AGBL1: variants seen among roughly 807,000 people sequenced by gnomAD.
AGBL1 encodes the protein cytosolic carboxypeptidase 4.
In AGBL1, 130 loss-of-function variants were observed where a neutral mutation model predicts 118.9. That is an observed-to-expected ratio of 1.09 (90% CI 0.95 to 1.26). The LOEUF is 1.26. Ranked by LOEUF, AGBL1 falls within the 50% of genes most tolerant of loss-of-function variation. The pLI, the probability that AGBL1 is intolerant of heterozygous loss-of-function variation, is 0.00. For missense variants in AGBL1, 1,584 were observed against 1,298.1 expected (o/e 1.22, Z -3.38); for synonymous variants, 555 against 478.9 (o/e 1.16, Z -2.08).
intron 21 of AGBL1, among the ~76,000 whole-genome samples, chr15:86,603,873 C>T (rs765476710): frequency 6.6e-6 from 1 of 152,096 alleles, no homozygotes; most frequent in Non-Finnish European, 1.5e-5. Context: ...TCTACTATAG[C>T]CCCTGAGTAG....
At chr15:86,970,930 G>A (rs1363042241) in intron 23 of AGBL1, among the ~76,000 whole-genome samples, 1 of 151,950 alleles carries the variant, frequency 6.6e-6, no homozygotes, top group Non-Finnish European at 1.5e-5. Context: ...ACCACTATTT[G>A]CATGTCACTT....
intron 18 of AGBL1, among the ~76,000 whole-genome samples, chr15:86,413,126 GT>G (rs1198312583): frequency 6.6e-6 from 1 of 152,026 alleles, no homozygotes; most frequent in Non-Finnish European, 1.5e-5. Context: ...AATGTTAGAG[GT>G]GAAAGACATC....
At chr15:86,113,287 C>CTT (rs548790563) in intron 1 of AGBL1, among the ~76,000 whole-genome samples, 25 of 97,362 alleles carry the variant, frequency 2.6e-4, no homozygotes, top group Admixed American at 4.4e-4. Context: ...TTCTTTCTTT[C>CTT]TTTTTTTTTT....
chr15:86,364,958 C>CATATATATATATATAT (rs72116454), intron 17 of AGBL1, among the ~76,000 whole-genome samples: 1 of 76,138 alleles, frequency 1.3e-5, no homozygotes, highest in Non-Finnish European at 3.1e-5. Flanking sequence ...ATATGTCACA[C>CATATATATATATATAT]ATATATATAT....
chr15:86,142,017 A>G lies in AGBL1; in HGVS notation c.65A>G (p.Lys22Arg), dbSNP rs759396378. 41 of 1,550,154 alleles carry G rather than the reference A, an allele frequency of 2.6e-5. No individual in the cohort carries two copies. In the South Asian group the frequency reaches 4.9e-4, roughly 18 times the overall value. ...LLHTLQSSSD[K>R]ESILTILKVL... The stretch of plus-strand genomic sequence containing the variant: ...TTCTCATTGCAGAGCTCCTCTGACA[A>G]GGAGTCCATCCTGACCATCCTCAAG... The change falls in exon 2 of 23, where the codon AAG becomes AGG. Residue 22 changes from lysine to arginine, a missense_variant. By Grantham distance (26) the Lys-to-Arg change is conservative. Coordinates refer to ENST00000614907, the MANE Select transcript of AGBL1 (RefSeq NM_001386094.1).
chr15:86,919,606 A>G (rs1209147770), downstream of AGBL1, among the ~76,000 whole-genome samples: 2 of 151,582 alleles, frequency 1.3e-5, no homozygotes, highest in African/African-American at 4.9e-5. Flanking sequence ...ACACACACAC[A>G]CACACACCCG....
chr15:86,225,033 C>CT (rs35578252), intron 6 of AGBL1, 82 bp downstream of exon 6: 237,233 of 1,019,268 alleles, frequency 0.23, 5,142 homozygotes, highest in Admixed American at 0.28. Flanking sequence ...ATGGCTGTTT[C>CT]TTTTTTTTTT....
chr15:86,862,797 G>A (rs547663956), intron 22 of AGBL1, among the ~76,000 whole-genome samples: 9 of 152,314 alleles, frequency 5.9e-5, no homozygotes, highest in Middle Eastern at 3.4e-3. Flanking sequence ...TTACGTAACA[G>A]CTATTGGTTG....
At chr15:86,847,742 G>A (rs549384411) in intron 22 of AGBL1, among the ~76,000 whole-genome samples, 8 of 152,264 alleles carry the variant, frequency 5.3e-5, no homozygotes, top group Admixed American at 2.0e-4. Context: ...TCTTGCACAC[G>A]TATGCAGACT....
Position 86,271,711 on chromosome 15 carries a change from G to A in AGBL1, c.2075+5G>A, listed in dbSNP as rs1226561855. 1.2e-6 allele frequency: 2 copies of A among 1,608,870 alleles called. No homozygotes were observed. Among genetic ancestry groups the A allele is most frequent in the East Asian group, 4.5e-5 (2 of 44,850 alleles). On this transcript the variant is annotated splice_donor_5th_base_variant and intron_variant, in intron 15 of 22. Transcript: ENST00000614907. ...CCATGAAATATGTTATTACAAGTAA[G>A]TTAGAGCGCTGTTAGCTTCCTTTTC...
intron 18 of AGBL1, among the ~76,000 whole-genome samples, chr15:86,466,195 C>T (rs1398693093): frequency 2.0e-5 from 3 of 152,172 alleles, no homozygotes; most frequent in Non-Finnish European, 4.4e-5. Flanking sequence ...TGTTCCTTTT[C>T]ATTCTTTTTT....
chr15:86,674,700 GAC>G (rs987241102), intron 22 of AGBL1, among the ~76,000 whole-genome samples: 2 of 151,996 alleles, frequency 1.3e-5, no homozygotes, highest in African/African-American at 4.8e-5. Context: ...GTGGCTTGGT[GAC>G]ACACACACAG....
At chr15:86,247,326 A>G (rs958978913) in intron 6 of AGBL1, among the ~76,000 whole-genome samples, 5 of 152,160 alleles carry the variant, frequency 3.3e-5, no homozygotes, top group African/African-American at 1.2e-4. Flanking sequence ...GACATTTTCA[A>G]GGAGTGGAGT....
At chr15:86,410,313 G>A (rs1339769679) in intron 18 of AGBL1, among the ~76,000 whole-genome samples, 3 of 152,092 alleles carry the variant, frequency 2.0e-5, no homozygotes, top group Non-Finnish European at 4.4e-5. Context: ...TTCTCAAGGA[G>A]AAACAGTTTT....
exon 25 of AGBL1, chr15:87,028,890 G>T (rs750439225): frequency 1.3e-6 from 2 of 1,564,382 alleles, no homozygotes. Context: ...CATGTGCCCA[G>T]CTCCTCCTGG....
At chr15:86,985,946 CAG>C (rs1352544585) in intron 23 of AGBL1, among the ~76,000 whole-genome samples, 14 of 144,808 alleles carry the variant, frequency 9.7e-5, no homozygotes, top group Admixed American at 5.6e-4. Flanking sequence ...TTTTTTGAGA[CAG>C]AGTTTCCCTC....
intron 6 of AGBL1, among the ~76,000 whole-genome samples, chr15:86,247,139 C>T (rs1368719145): frequency 6.6e-6 from 1 of 152,164 alleles, no homozygotes; most frequent in Non-Finnish European, 1.5e-5. Context: ...ACTATTAGAT[C>T]TACAGATCTT....
intron 18 of AGBL1, among the ~76,000 whole-genome samples, chr15:86,419,295 G>T (rs2081750638): frequency 6.6e-6 from 1 of 152,138 alleles, no homozygotes; most frequent in Non-Finnish European, 1.5e-5. Flanking sequence ...TGGTTAGAAA[G>T]TGGGTGCAGC....
chr15:86,959,157 A>G (rs748387787), intron 23 of AGBL1, among the ~76,000 whole-genome samples: 33 of 152,168 alleles, frequency 2.2e-4, no homozygotes, highest in Non-Finnish European at 2.8e-4. Context: ...TAATGTAGCA[A>G]TAGTTTAGTA....
Sources: gnomAD v4.1 joint callset for allele counts (sites outside exome capture counted in the v4.1 genomes callset) on GRCh38, gnomAD v4.1.1 for gene constraint, MANE v1.5 for transcripts, NCBI Gene and HGNC (gene_info 2026-07-23, HGNC 2026-07-21) for gene names.